HTR7: variants seen among roughly 807,000 people sequenced by gnomAD.
HTR7 encodes 5-hydroxytryptamine receptor 7.
In HTR7, 16 loss-of-function variants were observed where a neutral mutation model predicts 34.0. The observed-to-expected ratio is 0.47, with a 90% CI of 0.32 to 0.71. The LOEUF (loss-of-function observed/expected upper bound fraction) is 0.71, where lower values mean the gene tolerates loss of function less well. Ranked by LOEUF, HTR7 falls within the 30% of genes least tolerant of loss-of-function variation. HTR7 has a pLI of 0.04. For missense variants in HTR7, 504 were observed against 625.5 expected (o/e 0.81, Z 2.07); for synonymous variants, 265 against 260.2 (o/e 1.02, Z -0.18).
chr10:90,844,313 T>C (rs1016112946), intron 1 of HTR7, among the ~76,000 whole-genome samples: 2 of 152,234 alleles, frequency 1.3e-5, no homozygotes, highest in African/African-American at 4.8e-5. Flanking sequence ...CACTTCCAGA[T>C]ATTATGAATT....
In HTR7 at chr10:90,841,156, C is replaced by T. The variant is rs72810820; in HGVS notation, c.539+15977G>A. On this transcript the variant is annotated intron_variant, in intron 1 of 3. Transcript: ENST00000336152. ...CAACCTCTCGGAGCCTCAGCTTTCT[C>T]ATCTGTAAAACAGCGATAATAAAAG... Among the ~76,000 whole-genome samples the T allele has an allele frequency of 6.2e-3, 941 of 152,338 alleles. 4 individuals carry two copies. Among genetic ancestry groups the T allele is most frequent in the Middle Eastern group, 0.017 (5 of 294 alleles).
intron 1 of HTR7, among the ~76,000 whole-genome samples, chr10:90,779,315 T>C (rs1311143627): frequency 6.6e-6 from 1 of 152,200 alleles, no homozygotes; most frequent in African/African-American, 2.4e-5. Flanking sequence ...TAGAATTCTC[T>C]GTACTTCTAA....
intron 1 of HTR7, among the ~76,000 whole-genome samples, chr10:90,824,086 C>T (rs1846030527): frequency 6.6e-6 from 1 of 152,228 alleles, no homozygotes; most frequent in African/African-American, 2.4e-5. Context: ...CAATCCCAGG[C>T]AGTGCAGCTT....
At chr10:90,847,305 C>T (rs975977077) in intron 1 of HTR7, among the ~76,000 whole-genome samples, 1 of 151,862 alleles carries the variant, frequency 6.6e-6, no homozygotes, top group African/African-American at 2.4e-5. Context: ...TAGCTATTAT[C>T]ATTTCTACCC....
At chr10:90,813,292 C>T (rs1286974031) in intron 1 of HTR7, among the ~76,000 whole-genome samples, 2 of 152,102 alleles carry the variant, frequency 1.3e-5, no homozygotes, top group East Asian at 1.9e-4. Context: ...GAGGCCGAGG[C>T]GGGCCGATCA....
chr10:90,783,264 C>T (rs1262466810), intron 1 of HTR7, among the ~76,000 whole-genome samples: 2 of 152,254 alleles, frequency 1.3e-5, no homozygotes, highest in Non-Finnish European at 1.5e-5. Context: ...GAAAGACTTC[C>T]CACTACCAGT....
intron 1 of HTR7, among the ~76,000 whole-genome samples, chr10:90,809,001 C>T (rs146527110): frequency 0.016 from 2,403 of 152,184 alleles, 79 homozygotes; most frequent in African/African-American, 0.054. Context: ...CAATGCAACT[C>T]GTCCCAAATC....
At chr10:90,767,188 G>T (rs1386154889) in intron 1 of HTR7, among the ~76,000 whole-genome samples, 1 of 152,190 alleles carries the variant, frequency 6.6e-6, no homozygotes, top group East Asian at 1.9e-4. Flanking sequence ...CTGCTCAGTG[G>T]GGTCATAGGC....
intron 1 of HTR7, among the ~76,000 whole-genome samples, chr10:90,844,173 T>A (rs1042869146): frequency 5.9e-5 from 9 of 152,210 alleles, no homozygotes; most frequent in African/African-American, 2.2e-4. Context: ...CATTAAAGAT[T>A]TACTATCTTA....
At chr10:90,792,937 A>G (rs1253657367) in intron 1 of HTR7, among the ~76,000 whole-genome samples, 1 of 152,148 alleles carries the variant, frequency 6.6e-6, no homozygotes, top group African/African-American at 2.4e-5. Context: ...AAGCCCTAAA[A>G]CTATAAAACT....
chr10:90,813,348 C>T (rs931128715), intron 1 of HTR7, among the ~76,000 whole-genome samples: 1 of 151,990 alleles, frequency 6.6e-6, no homozygotes, highest in Admixed American at 6.6e-5. Flanking sequence ...ATGGTGAAAC[C>T]CCATCTCTAC....
In HTR7 at chr10:90,801,673, G is replaced by A. The variant is rs78481166; in HGVS notation, c.540-52079C>T. Among the ~76,000 whole-genome samples the A allele has an allele frequency of 3.6e-3, 544 of 152,310 alleles. 1 individual carries two copies. Among genetic ancestry groups the A allele is most frequent in the Admixed American group, 5.8e-3 (89 of 15,308 alleles). On this transcript the variant is annotated intron_variant, in intron 1 of 3. Transcript: ENST00000336152. The stretch of plus-strand genomic sequence containing the variant: ...TCCTTGGCCCCCACAATTTGGCATA[G>A]CCAGTAGGATCCCCAAAATCACTCT...
At chr10:90,819,800 T>A (rs961168190) in intron 1 of HTR7, among the ~76,000 whole-genome samples, 2 of 151,466 alleles carry the variant, frequency 1.3e-5, no homozygotes, top group Non-Finnish European at 2.9e-5. Context: ...AAGGGTGGAG[T>A]TTAAGAAGTG....
At chr10:90,751,894 A>T (rs1844745061) in intron 1 of HTR7, among the ~76,000 whole-genome samples, 1 of 152,198 alleles carries the variant, frequency 6.6e-6, no homozygotes, top group Non-Finnish European at 1.5e-5. Flanking sequence ...ATTCACAAAG[A>T]TTAATCCGGA....
intron 1 of HTR7, among the ~76,000 whole-genome samples, chr10:90,752,670 A>G (rs945178827): frequency 6.6e-6 from 1 of 152,182 alleles, no homozygotes; most frequent in East Asian, 1.9e-4. Flanking sequence ...ATTCAAAAAG[A>G]TATCAATAAA....
intron 1 of HTR7, among the ~76,000 whole-genome samples, chr10:90,853,947 T>C (rs961719142): frequency 6.6e-6 from 1 of 152,218 alleles, no homozygotes; most frequent in African/African-American, 2.4e-5. Context: ...ATGGATACAA[T>C]TCTTTGAGCA....
intron 1 of HTR7, among the ~76,000 whole-genome samples, chr10:90,809,121 G>C (rs545972006): frequency 2.0e-5 from 3 of 151,912 alleles, no homozygotes; most frequent in Admixed American, 6.6e-5. Context: ...TCGCCAGGCC[G>C]AGCTAAGTCC....
intron 1 of HTR7, among the ~76,000 whole-genome samples, chr10:90,827,203 C>T (rs977101782): frequency 6.6e-6 from 1 of 152,136 alleles, no homozygotes; most frequent in South Asian, 2.1e-4. Flanking sequence ...TAAGTCCTTA[C>T]TTATTAATAA....
At chr10:90,794,599 C>T (rs1314262121) in intron 1 of HTR7, among the ~76,000 whole-genome samples, 1 of 152,088 alleles carries the variant, frequency 6.6e-6, no homozygotes, top group Non-Finnish European at 1.5e-5. Context: ...GCTCAAGAAT[C>T]AAGCAAGTCT....
Sources: gnomAD v4.1 joint callset for allele counts (sites outside exome capture counted in the v4.1 genomes callset) on GRCh38, gnomAD v4.1.1 for gene constraint, MANE v1.5 for transcripts, NCBI Gene and HGNC (gene_info 2026-07-23, HGNC 2026-07-21) for gene names.